LOC128706665: variants seen among roughly 807,000 people sequenced by gnomAD.
chr20:10,414,281 T>TTTTC, the LOC128706665 span, among the ~76,000 whole-genome samples: 3 of 151,612 alleles, frequency 2.0e-5, no homozygotes, highest in East Asian at 5.8e-4. Context: ...TTTTTTTTTT[T>TTTTC]TGAGATGGAG....
chr20:10,432,394 C>T, the LOC128706665 span, among the ~76,000 whole-genome samples: 1 of 152,202 alleles, frequency 6.6e-6, no homozygotes, highest in African/African-American at 2.4e-5. Context: ...AATCTAGAAA[C>T]ATCTTGCTCA....
chr20:10,433,941 C>A, the LOC128706665 span, among the ~76,000 whole-genome samples: 9 of 152,210 alleles, frequency 5.9e-5, no homozygotes, highest in African/African-American at 2.2e-4. Flanking sequence ...GTCGGTCTTT[C>A]GCCTCCTACA....
the LOC128706665 span, among the ~76,000 whole-genome samples, chr20:10,420,923 T>A: frequency 6.6e-6 from 1 of 152,164 alleles, no homozygotes; most frequent in Non-Finnish European, 1.5e-5. Flanking sequence ...AAAAGAGACA[T>A]GTCATTGACC....
the LOC128706665 span, among the ~76,000 whole-genome samples, chr20:10,416,293 G>T: frequency 3.3e-5 from 5 of 152,098 alleles, no homozygotes; most frequent in African/African-American, 7.2e-5. Flanking sequence ...AAAAGCAAAT[G>T]GAGTTCTTTG....
At chr20:10,427,321 C>T in the LOC128706665 span, among the ~76,000 whole-genome samples, 4 of 152,014 alleles carry the variant, frequency 2.6e-5, no homozygotes, top group Admixed American at 1.3e-4. Context: ...CAGTGTAAAA[C>T]GGATTCTTTT....
the LOC128706665 span, among the ~76,000 whole-genome samples, chr20:10,425,648 A>G: frequency 1.1e-4 from 16 of 152,230 alleles, no homozygotes; most frequent in African/African-American, 3.9e-4. Flanking sequence ...ACTGTCTTGT[A>G]GAGATTCTGA....
At chr20:10,419,021 C>A in the LOC128706665 span, among the ~76,000 whole-genome samples, 2 of 152,100 alleles carry the variant, frequency 1.3e-5, no homozygotes, top group African/African-American at 4.8e-5. Flanking sequence ...AAGCTATGCT[C>A]TTCCACTTCT....
the LOC128706665 span, among the ~76,000 whole-genome samples, chr20:10,431,495 A>G: frequency 6.6e-6 from 1 of 151,984 alleles, no homozygotes; most frequent in Admixed American, 6.6e-5. Context: ...GACAATCTTA[A>G]TAAAACATAA....
the LOC128706665 span, among the ~76,000 whole-genome samples, chr20:10,423,720 T>C: frequency 1.3e-5 from 2 of 152,206 alleles, no homozygotes; most frequent in Non-Finnish European, 2.9e-5. Context: ...TTTATGTATA[T>C]TGTGCTTAAC....
the LOC128706665 span, among the ~76,000 whole-genome samples, chr20:10,421,012 T>C: frequency 8.5e-5 from 13 of 152,194 alleles, no homozygotes; most frequent in Admixed American, 3.9e-4. Flanking sequence ...AGGAGCAACA[T>C]TACCTGCTGG....
chr20:10,429,150 A>G, the LOC128706665 span, among the ~76,000 whole-genome samples: 1 of 152,072 alleles, frequency 6.6e-6, no homozygotes, highest in Non-Finnish European at 1.5e-5. Flanking sequence ...TTCCCATTCC[A>G]TCTTCAAACC....
the LOC128706665 span, among the ~76,000 whole-genome samples, chr20:10,429,705 TAA>T: frequency 6.6e-6 from 1 of 152,182 alleles, no homozygotes; most frequent in African/African-American, 2.4e-5. Context: ...CCATTTGACA[TAA>T]GTGTTTCTTT....
the LOC128706665 span, among the ~76,000 whole-genome samples, chr20:10,421,055 C>G: frequency 1.3e-5 from 2 of 152,156 alleles, no homozygotes; most frequent in African/African-American, 4.8e-5. Flanking sequence ...AACACACATG[C>G]ATGGAGTGTT....
the LOC128706665 span, among the ~76,000 whole-genome samples, chr20:10,426,522 C>T: frequency 6.6e-6 from 1 of 152,180 alleles, no homozygotes; most frequent in Admixed American, 6.5e-5. Context: ...ACCTCAGCCT[C>T]CCAGGTAGCT....
chr20:10,421,416 CAAA>C, the LOC128706665 span, among the ~76,000 whole-genome samples: 141 of 86,118 alleles, frequency 1.6e-3, no homozygotes, highest in Middle Eastern at 7.9e-3. Flanking sequence ...GACTCCATCA[CAAA>C]AAAAAAAAAA....
the LOC128706665 span, among the ~76,000 whole-genome samples, chr20:10,414,827 A>C: frequency 6.6e-6 from 1 of 152,216 alleles, no homozygotes; most frequent in Non-Finnish European, 1.5e-5. Context: ...CCATGTTTTA[A>C]ACACCTGGCT....
At chr20:10,425,518 GATAC>G in the LOC128706665 span, among the ~76,000 whole-genome samples, 1 of 152,214 alleles carries the variant, frequency 6.6e-6, no homozygotes, top group Non-Finnish European at 1.5e-5. Flanking sequence ...AAAGGTTCAT[GATAC>G]TGAGAAGCAG....
the LOC128706665 span, among the ~76,000 whole-genome samples, chr20:10,430,912 A>T: frequency 3.9e-5 from 6 of 152,244 alleles, no homozygotes; most frequent in East Asian, 1.9e-4. Context: ...GGTCTGAAAC[A>T]ACGTTTTACA....
At chr20:10,432,986 A>G in the LOC128706665 span, among the ~76,000 whole-genome samples, 2 of 152,178 alleles carry the variant, frequency 1.3e-5, no homozygotes, top group African/African-American at 4.8e-5. Flanking sequence ...AGATGTAACC[A>G]TCTTTTTTCC....
Sources: gnomAD v4.1 joint callset for allele counts (sites outside exome capture counted in the v4.1 genomes callset) on GRCh38, gnomAD v4.1.1 for gene constraint, MANE v1.5 for transcripts.